Variants in SGCZ observed in about 807,000 individuals in gnomAD.
The protein encoded by SGCZ is zeta-sarcoglycan.
In SGCZ, 40 loss-of-function variants were observed where a neutral mutation model predicts 41.3. The ratio of observed to expected loss-of-function variants is 0.97; its 90% confidence interval spans 0.75 to 1.26. The LOEUF is 1.26. Ranked by LOEUF, SGCZ falls within the 50% of genes most tolerant of loss-of-function variation. The pLI is 0.00. For missense variants in SGCZ, 552 were observed against 369.8 expected (o/e 1.49, Z -4.04); for synonymous variants, 206 against 137.5 (o/e 1.50, Z -3.49).
chr8:14,350,320 A>T (rs558026610), intron 2 of SGCZ, among the ~76,000 whole-genome samples: 14 of 152,096 alleles, frequency 9.2e-5, no homozygotes, highest in African/African-American at 2.7e-4. Flanking sequence ...TGATGGGAAC[A>T]GGTCATATTC....
chr8:14,116,471 T>G (rs1045374055), intron 5 of SGCZ, among the ~76,000 whole-genome samples: 1 of 152,106 alleles, frequency 6.6e-6, no homozygotes, highest in Non-Finnish European at 1.5e-5. Context: ...AATATGTAAT[T>G]GTCATTCATT....
intron 1 of SGCZ, among the ~76,000 whole-genome samples, chr8:15,141,973 G>A (rs997016430): frequency 6.6e-6 from 1 of 152,116 alleles, no homozygotes; most frequent in Non-Finnish European, 1.5e-5. Flanking sequence ...GCCTGTAGCA[G>A]TGGAAGACCC....
At chr8:14,771,971 A>T (rs961522504) in intron 1 of SGCZ, among the ~76,000 whole-genome samples, 6 of 152,130 alleles carry the variant, frequency 3.9e-5, no homozygotes, top group African/African-American at 1.4e-4. Context: ...GTCAGTCCCA[A>T]ATTTACAATG....
At chr8:14,606,172 C>T (rs1170734812) in intron 1 of SGCZ, among the ~76,000 whole-genome samples, 1 of 151,676 alleles carries the variant, frequency 6.6e-6, no homozygotes, top group African/African-American at 2.4e-5. Flanking sequence ...TTTTATTAGC[C>T]ATCTCCTCCC....
chr8:14,848,676 C>T (rs1803217858), intron 1 of SGCZ, among the ~76,000 whole-genome samples: 1 of 152,118 alleles, frequency 6.6e-6, no homozygotes, highest in Non-Finnish European at 1.5e-5. Flanking sequence ...TCTTCTCTCC[C>T]ACTATCTACA....
intron 4 of SGCZ, among the ~76,000 whole-genome samples, chr8:14,220,481 G>C (rs547349826): frequency 1.3e-5 from 2 of 152,278 alleles, no homozygotes; most frequent in East Asian, 3.9e-4. Context: ...TCTTGACCGT[G>C]ATCTTAGGTG....
chr8:14,772,346 T>C (rs550036231), intron 1 of SGCZ, among the ~76,000 whole-genome samples: 2 of 152,254 alleles, frequency 1.3e-5, no homozygotes, highest in East Asian at 3.9e-4. Context: ...CTATAAGCAT[T>C]ACTTTAAAAG....
chr8:14,765,144 C>A (rs541597193), intron 1 of SGCZ, among the ~76,000 whole-genome samples: 5 of 152,308 alleles, frequency 3.3e-5, no homozygotes, highest in Admixed American at 2.6e-4. Flanking sequence ...GCCACACCCA[C>A]AATCCCGGGA....
intron 1 of SGCZ, among the ~76,000 whole-genome samples, chr8:15,000,623 A>G (rs1328765431): frequency 6.6e-6 from 1 of 152,140 alleles, no homozygotes; most frequent in Non-Finnish European, 1.5e-5. Context: ...CCACGTGTAC[A>G]GCAAAGAACA....
At chr8:14,151,489 C>T (rs1803708375) in intron 5 of SGCZ, among the ~76,000 whole-genome samples, 2 of 151,494 alleles carry the variant, frequency 1.3e-5, no homozygotes, top group Admixed American at 1.3e-4. Flanking sequence ...TCAGAGGATT[C>T]AATATAGTAA....
chr8:14,909,656 G>C (rs1393162596), intron 1 of SGCZ, among the ~76,000 whole-genome samples: 1 of 151,912 alleles, frequency 6.6e-6, no homozygotes, highest in African/African-American at 2.4e-5. Flanking sequence ...TTTTAGTTTG[G>C]AAATATGGGA....
chr8:14,672,989 A>C (rs9657209), intron 1 of SGCZ, among the ~76,000 whole-genome samples: 1 of 152,076 alleles, frequency 6.6e-6, no homozygotes, highest in Non-Finnish European at 1.5e-5. Context: ...GCTGTGTTTC[A>C]AGCAAAAGTA....
chr8:14,250,786 A>C (rs1799255355), intron 3 of SGCZ, among the ~76,000 whole-genome samples: 2 of 152,152 alleles, frequency 1.3e-5, no homozygotes, highest in South Asian at 4.1e-4. Flanking sequence ...GCTCCTATGC[A>C]CCCAAGGCTC....
At chr8:14,869,477 A>G (rs1017747679) in intron 1 of SGCZ, among the ~76,000 whole-genome samples, 23 of 152,198 alleles carry the variant, frequency 1.5e-4, no homozygotes, top group African/African-American at 5.5e-4. Context: ...CCCACAGCCA[A>G]TATCATACTG....
At chr8:14,887,756 T>C (rs1247101085) in intron 1 of SGCZ, among the ~76,000 whole-genome samples, 1 of 152,154 alleles carries the variant, frequency 6.6e-6, no homozygotes, top group Non-Finnish European at 1.5e-5. Context: ...TCACTAGAAA[T>C]GTATGAAATC....
chr8:14,853,967 T>C (rs1803445731), intron 1 of SGCZ, among the ~76,000 whole-genome samples: 1 of 148,808 alleles, frequency 6.7e-6, no homozygotes, highest in Non-Finnish European at 1.5e-5. Flanking sequence ...GGTCGAAATT[T>C]GCCTACTCCT....
chr8:14,119,466 G>A (rs1334793159), intron 5 of SGCZ, among the ~76,000 whole-genome samples: 1 of 152,102 alleles, frequency 6.6e-6, no homozygotes, highest in Non-Finnish European at 1.5e-5. Flanking sequence ...TTTGGGCTCA[G>A]ACAGTGGGGT....
At chr8:14,314,188 A>T (rs1801641681) in intron 3 of SGCZ, among the ~76,000 whole-genome samples, 1 of 152,048 alleles carries the variant, frequency 6.6e-6, no homozygotes, top group Admixed American at 6.6e-5. Context: ...TTTAAGTCCA[A>T]AGAATGTCGC....
chr8:14,893,768 T>C (rs915997186), intron 1 of SGCZ, among the ~76,000 whole-genome samples: 1 of 152,160 alleles, frequency 6.6e-6, no homozygotes, highest in African/African-American at 2.4e-5. Flanking sequence ...TTAAACAACA[T>C]GTTAAACAAT....
Sources: gnomAD v4.1 joint callset for allele counts (sites outside exome capture counted in the v4.1 genomes callset) on GRCh38, gnomAD v4.1.1 for gene constraint, MANE v1.5 for transcripts, NCBI Gene and HGNC (gene_info 2026-07-23, HGNC 2026-07-21) for gene names.